Variants in TNRC6C observed in about 807,000 individuals in gnomAD.
TNRC6C encodes trinucleotide repeat containing adaptor 6C.
In TNRC6C, 20 loss-of-function variants were observed where a neutral mutation model predicts 153.7. The observed-to-expected ratio is 0.13, with a 90% CI of 0.09 to 0.19. TNRC6C has a LOEUF of 0.19. TNRC6C is among the 10% of genes least tolerant of loss of function. TNRC6C has a pLI of 1.00. For synonymous variants in TNRC6C, 811 were observed against 841.4 expected, an observed-to-expected ratio of 0.96 and a Z score of 0.63; for missense variants, 1,987 against 2,172.0, an observed-to-expected ratio of 0.91 and a Z score of 1.69.
At chr17:78,053,641 A>G (rs1038168971) in intron 3 of TNRC6C, among the ~76,000 whole-genome samples, 17 of 151,932 alleles carry the variant, frequency 1.1e-4, no homozygotes, top group Admixed American at 7.9e-4. Flanking sequence ...AAAAAAAAAA[A>G]GAAAGAAAGA....
At position 78,075,659 on chromosome 17, in the gene TNRC6C, A is replaced by G. The variant is rs929027138; in HGVS notation, c.3060+381A>G. ...TTTATCCTCAGGAAAAGGGATTGGA[A>G]GTGGTGGGGCTTGGGCACCCATCTC... On this transcript the variant is annotated intron_variant, in intron 8 of 19. Transcript: ENST00000301624. This position sits in a 1 kb window ranked among gnomAD's most constrained non-coding sequence, Gnocchi z 4.2. Among the ~76,000 whole-genome samples, 6 of 151,630 alleles carry G rather than the reference A, an allele frequency of 4.0e-5. No individual in the cohort carries two copies. Among genetic ancestry groups the G allele is most frequent in the Admixed American group, 1.3e-4 (2 of 15,254 alleles).
rs745485469 is a variant in TNRC6C, at chr17:78,098,547, A to G, written c.4501+10A>G. 5 of 1,609,386 alleles carry G rather than the reference A, an allele frequency of 3.1e-6. No homozygotes were observed. The highest frequency in any genetic ancestry group is 2.2e-5 in the East Asian group (1 of 44,834). On this transcript the variant is annotated intron_variant, in intron 17 of 19. Coordinates refer to ENST00000301624, the Ensembl canonical transcript of TNRC6C. ...AGCTCCTACTCCTCGGGTAAGCTCC[A>G]TGCTCCTCGTGTTCCGATGGGGGCC... is the stretch of plus-strand genomic sequence containing the variant.
chr17:78,079,596 G>T lies in TNRC6C; in HGVS notation c.3357+55G>T, dbSNP rs1460176990. The T allele has an allele frequency of 1.1e-5, 17 of 1,590,652 alleles. No homozygotes were observed. The highest frequency in any genetic ancestry group is 1.4e-5 in the Non-Finnish European group (16 of 1,162,998). On this transcript the variant is annotated intron_variant, in intron 10 of 19. Transcript: ENST00000301624. This position sits in a 1 kb window ranked among gnomAD's most constrained non-coding sequence, Gnocchi z 4.3. ...AACAGGATATAGATGCCAGTGTTTC[G>T]TGGGGTCCTGTGTTATCTGGAAGTC...
At chr17:78,090,576 T>C (rs1332684152) in intron 13 of TNRC6C, among the ~76,000 whole-genome samples, 1 of 152,248 alleles carries the variant, frequency 6.6e-6, no homozygotes, top group Non-Finnish European at 1.5e-5. Flanking sequence ...CAGTCTGTCC[T>C]GCTCCAAACT....
intron 12 of TNRC6C, 90 bp downstream of exon 14, chr17:78,086,676 A>G: frequency 6.4e-7 from 1 of 1,559,014 alleles, no homozygotes; most frequent in Non-Finnish European, 8.8e-7. Flanking sequence ...ATGATCATTG[A>G]TTTTTCTCTA....
At chr17:78,089,853 A>G (rs1043352029) in intron 13 of TNRC6C, among the ~76,000 whole-genome samples, 3 of 152,218 alleles carry the variant, frequency 2.0e-5, no homozygotes, top group Admixed American at 2.0e-4. Flanking sequence ...CACGTAGCAC[A>G]GAAGAAAGAG....
At chr17:78,061,385 T>C (rs1400690343) in intron 3 of TNRC6C, among the ~76,000 whole-genome samples, 1 of 152,230 alleles carries the variant, frequency 6.6e-6, no homozygotes. Flanking sequence ...AAAATACTTG[T>C]TTTGCATCAA....
intron 1 of TNRC6C, among the ~76,000 whole-genome samples, chr17:77,987,550 G>A (rs543867653): frequency 6.6e-6 from 1 of 152,186 alleles, no homozygotes; most frequent in Non-Finnish European, 1.5e-5. Flanking sequence ...AAACAAAGGG[G>A]ATTAGTGATA....
chr17:78,006,238 G>A (rs1045548568), intron 1 of TNRC6C, among the ~76,000 whole-genome samples: 1 of 152,172 alleles, frequency 6.6e-6, no homozygotes, highest in Non-Finnish European at 1.5e-5. Flanking sequence ...CTAGACTAGA[G>A]TCACATGAAG....
chr17:78,000,630 C>A (rs189857127), upstream of TNRC6C, among the ~76,000 whole-genome samples: 1,128 of 62,232 alleles, frequency 0.018, 120 homozygotes, highest in Middle Eastern at 0.029. Context: ...CCCCCCCCCC[C>A]CACACACACA....
At chr17:78,103,101 G>A (rs2073627301) in intron 18 of TNRC6C, among the ~76,000 whole-genome samples, 1 of 152,208 alleles carries the variant, frequency 6.6e-6, no homozygotes. Context: ...GCTGGACCCA[G>A]GTGCCTTTTG....
In TNRC6C at chr17:78,078,847, C is replaced by T. The variant is rs946588062; in HGVS notation, c.3211-548C>T. The stretch of plus-strand genomic sequence containing the variant: ...GTGGCTCACACCTGTAATCCCACCA[C>T]TTTGGGAGGCCGAGGCAGGTGGATC... On this transcript the variant is annotated intron_variant, in intron 9 of 19. Coordinates refer to ENST00000301624, the Ensembl canonical transcript of TNRC6C. Among the ~76,000 whole-genome samples, 8 of 152,106 alleles carry T rather than the reference C, an allele frequency of 5.3e-5. No homozygotes were observed. The East Asian group carries it at 1.3e-3, about 26-fold the overall frequency.
chr17:77,959,628 G>A (rs1404152401), intron 1 of TNRC6C, among the ~76,000 whole-genome samples: 1 of 152,094 alleles, frequency 6.6e-6, no homozygotes, highest in Non-Finnish European at 1.5e-5. Context: ...TGGCAGGCGC[G>A]AACCCGCCGT....
At chr17:78,069,721 A>G (rs146058945) in intron 5 of TNRC6C, among the ~76,000 whole-genome samples, 62 of 152,358 alleles carry the variant, frequency 4.1e-4, no homozygotes, top group African/African-American at 1.4e-3. Flanking sequence ...AGGAAATTCT[A>G]TCTATGTATT....
At chr17:78,068,794 C>T (rs1336153309) in intron 5 of TNRC6C, among the ~76,000 whole-genome samples, 1 of 151,826 alleles carries the variant, frequency 6.6e-6, no homozygotes, top group Non-Finnish European at 1.5e-5. Context: ...AGCGAGACTC[C>T]CTCTCAAAAA....
intron 1 of TNRC6C, among the ~76,000 whole-genome samples, chr17:78,020,787 A>G (rs1215402085): frequency 3.3e-5 from 5 of 152,210 alleles, no homozygotes; most frequent in Non-Finnish European, 7.4e-5. Flanking sequence ...AGTCTTTAGA[A>G]TCCAGTATAT....
chr17:78,043,160 G>A (rs946441788), intron 2 of TNRC6C, among the ~76,000 whole-genome samples: 81 of 152,218 alleles, frequency 5.3e-4, no homozygotes, highest in African/African-American at 1.8e-3. Context: ...ATAGCAGTAT[G>A]TCTCATAATG....
At chr17:78,091,453 A>C (rs992674268) in exon 14 of TNRC6C, 1 of 1,596,126 alleles carries the variant, frequency 6.3e-7, no homozygotes, top group African/African-American at 1.4e-5. Flanking sequence ...GACTGAACCC[A>C]AACATGAATG....
upstream of TNRC6C, chr17:78,004,915 TG>T: frequency 1.6e-6 from 1 of 609,144 alleles, no homozygotes; most frequent in Non-Finnish European, 2.4e-6. Flanking sequence ...ACTAATAAAT[TG>T]TAATAAATTA....
Sources: gnomAD v4.1 joint callset for allele counts (sites outside exome capture counted in the v4.1 genomes callset) on GRCh38, gnomAD v4.1.1 for gene constraint, Gnocchi (gnomAD v3.1) non-coding constraint, MANE v1.5 for transcripts, NCBI Gene and HGNC (gene_info 2026-07-23, HGNC 2026-07-21) for gene names.